The following PWWP3B variants were observed in gnomAD, a reference collection of about 807,000 sequenced individuals.
The protein encoded by PWWP3B is PWWP domain-containing DNA repair factor 3B.
In PWWP3B, 5 loss-of-function variants were observed where a neutral mutation model predicts 15.7. The observed-to-expected ratio is 0.32, with a 90% CI of 0.17 to 0.67. PWWP3B has a LOEUF of 0.67. PWWP3B is among the 30% of genes least tolerant of loss of function. The probability of loss-of-function intolerance (pLI) is 0.74; values close to 1 mark genes in which losing one functional copy is unlikely to be tolerated. For missense variants in PWWP3B, 519 were observed against 493.1 expected (o/e 1.05, Z -0.50); for synonymous variants, 203 against 179.8 (o/e 1.13, Z -1.03).
At position 106,206,330 on chromosome X, in the gene PWWP3B, A is replaced by T; in HGVS notation, c.898A>T (p.Met300Leu). The T allele has an allele frequency of 8.3e-7, 1 of 1,203,235 alleles. No homozygotes were observed. The highest frequency in any genetic ancestry group is 1.7e-5 in the African/African-American group (1 of 57,582). Residue 300 changes from methionine (M) to leucine (L), a missense_variant, in exon 4 of 4, where the codon ATG becomes TTG. Met to Leu is a conservative substitution (Grantham distance 15). Transcript: ENST00000357175. ...CLDTSQNQPS[M>L]ESEMGAAACP... ...AGATACCAGCCAGAATCAACCTTCC[A>T]TGGAATCAGAGATGGGGGCTGCAGC...
chrX:106,197,142 C>G (rs1051115328), intron 2 of PWWP3B, among the ~76,000 whole-genome samples: 1 of 111,766 alleles, frequency 8.9e-6, no homozygotes, highest in Admixed American at 9.5e-5. Context: ...CTTTCCTCTC[C>G]CCATGGCAGC....
At chrX:106,196,146 T>G (rs1487999201) in intron 2 of PWWP3B, among the ~76,000 whole-genome samples, 1 of 112,049 alleles carries the variant, frequency 8.9e-6, no homozygotes, top group African/African-American at 3.2e-5. Flanking sequence ...GCATTATTAT[T>G]AAACTTACTT....
chrX:106,197,377 C>T (rs149453725), intron 2 of PWWP3B, among the ~76,000 whole-genome samples: 54 of 111,418 alleles, frequency 4.8e-4, no homozygotes, highest in African/African-American at 1.7e-3. Flanking sequence ...TTTGCTTCTA[C>T]CCTTCCACCA....
At chrX:106,197,174 A>G (rs903747335) in intron 2 of PWWP3B, among the ~76,000 whole-genome samples, 1 of 111,582 alleles carries the variant, frequency 9.0e-6, no homozygotes, top group African/African-American at 3.3e-5. Flanking sequence ...TTGTATATGT[A>G]GTTGGTCTTT....
intron 1 of PWWP3B, among the ~76,000 whole-genome samples, chrX:106,169,648 A>G (rs1359918508): frequency 1.8e-5 from 2 of 111,854 alleles, no homozygotes; most frequent in African/African-American, 6.5e-5. Flanking sequence ...AGCAGAACAT[A>G]TTTATCTTTA....
chrX:106,199,845 G>A (rs1923594412), intron 2 of PWWP3B, among the ~76,000 whole-genome samples: 1 of 111,362 alleles, frequency 9.0e-6, no homozygotes, highest in African/African-American at 3.3e-5. Context: ...TGGATCTTGG[G>A]TGAGCAACTA....
intron 2 of PWWP3B, chrX:106,201,788 C>T (rs1021593808): frequency 8.9e-6 from 1 of 111,772 alleles, no homozygotes; most frequent in Non-Finnish European, 1.9e-5. Context: ...TGTCTCAAAG[C>T]TACTTATTTT....
chrX:106,196,702 G>A (rs966404637), intron 2 of PWWP3B, among the ~76,000 whole-genome samples: 7 of 111,704 alleles, frequency 6.3e-5, no homozygotes, highest in Non-Finnish European at 1.3e-4. Flanking sequence ...ATAGCATTTC[G>A]TTAAGGACTT....
intron 2 of PWWP3B, among the ~76,000 whole-genome samples, chrX:106,176,687 A>T (rs1417624899): frequency 2.7e-5 from 3 of 112,472 alleles, no homozygotes; most frequent in Non-Finnish European, 5.6e-5. Flanking sequence ...TTTTGCCAAT[A>T]AGAATTTTTT....
intron 2 of PWWP3B, among the ~76,000 whole-genome samples, chrX:106,198,329 G>T (rs1324344850): frequency 1.8e-5 from 2 of 111,325 alleles, no homozygotes; most frequent in Non-Finnish European, 3.8e-5. Context: ...TTTTGAAAAT[G>T]TCATATAAAT....
rs756702198 is a variant in PWWP3B at position 106,206,462 on chromosome X, G to T, written c.1030G>T (p.Asp344Tyr). 5.8e-6 allele frequency: 7 copies of T among 1,207,705 alleles called. No individual in the cohort carries two copies. The highest frequency in any genetic ancestry group is 7.8e-6 in the Non-Finnish European group (7 of 894,026). The change falls in exon 4 of 4, where the codon GAT becomes TAT. Residue 344 changes from aspartate (D) to tyrosine (Y), a missense_variant. Asp to Tyr is a radical substitution (Grantham distance 160). Coordinates refer to ENST00000357175, the MANE Select transcript of PWWP3B (RefSeq NM_001171020.2). ...TAGTGAAAGAAATTTTCAGAGACTG[G>T]ATTTTGAAGAACTTGAGGAAGAAGG... Reference protein sequence around the residue: ...MSSERNFQRLDFEELEEEGQA... With the variant: ...MSSERNFQRLYFEELEEEGQA...
chrX:106,190,923 T>C (rs1428656211), intron 2 of PWWP3B, among the ~76,000 whole-genome samples: 1 of 111,576 alleles, frequency 9.0e-6, no homozygotes, highest in Non-Finnish European at 1.9e-5. Flanking sequence ...TTGGTACCAG[T>C]ACCATGCTGT....
intron 2 of PWWP3B, among the ~76,000 whole-genome samples, chrX:106,187,398 T>A (rs1413473741): frequency 8.9e-6 from 1 of 111,791 alleles, no homozygotes; most frequent in Non-Finnish European, 1.9e-5. Context: ...CATGTGTAAG[T>A]TTTGCCTGGG....
rs186926566 is a variant in PWWP3B at position 106,193,999 on chromosome X, T to G, written c.-400-9986T>G. On this transcript the variant is annotated intron_variant, in intron 2 of 3. Transcript: ENST00000357175. Reference sequence around the variant, plus strand: ...TTTTTTCCTTCATTTCAACTTTGGTTAATCTGACAATTATGTGTCTTGGAG... The same window carrying G: ...TTTTTTCCTTCATTTCAACTTTGGTGAATCTGACAATTATGTGTCTTGGAG... 1.1e-4 allele frequency among the ~76,000 whole-genome samples: 12 copies of G among 111,685 alleles called. No homozygotes were observed. In the South Asian group the frequency reaches 1.5e-3, roughly 14 times the overall value.
chrX:106,204,592 G>A (rs1335313452), intron 3 of PWWP3B, among the ~76,000 whole-genome samples: 1 of 111,741 alleles, frequency 8.9e-6, no homozygotes, highest in African/African-American at 3.3e-5. Context: ...TTTTGTTTGG[G>A]TCCAGGAGAT....
Position 106,207,353 on chromosome X carries a change from C to A in PWWP3B, c.1921C>A (p.Leu641Met), listed in dbSNP as rs1175781285. 1 of 1,187,490 alleles carries A rather than the reference C, an allele frequency of 8.4e-7. No individual in the cohort carries two copies. Among genetic ancestry groups the A allele is most frequent in the Admixed American group, 2.4e-5 (1 of 42,283 alleles). ...DKIKFILEVL[L>M]PEAIICSISA... Reference sequence around the variant, plus strand: ...AATTAAATTTATCCTAGAAGTTCTTCTGCCAGAAGCAATTATTTGTTCAAT... The same window carrying A: ...AATTAAATTTATCCTAGAAGTTCTTATGCCAGAAGCAATTATTTGTTCAAT... Residue 641 changes from leucine to methionine, a missense_variant, in exon 4 of 4, where the codon CTG (leucine) becomes ATG (methionine). Coordinates refer to ENST00000357175, the MANE Select transcript of PWWP3B (RefSeq NM_001171020.2).
intron 2 of PWWP3B, among the ~76,000 whole-genome samples, chrX:106,184,565 T>C (rs1246810507): frequency 1.8e-5 from 2 of 111,867 alleles, no homozygotes; most frequent in Non-Finnish European, 3.8e-5. Flanking sequence ...TCTTCAGCTG[T>C]CATTCTATCA....
Position 106,200,216 on chromosome X carries a change from G to A in PWWP3B, c.-400-3769G>A, listed in dbSNP as rs73521662. On this transcript the variant is annotated intron_variant, in intron 2 of 3. Coordinates refer to ENST00000357175, the MANE Select transcript of PWWP3B (RefSeq NM_001171020.2). Reference sequence around the variant, plus strand: ...CTTTAAGACCCAAGTAGATGGTAGAGCCACAGGATGGAAGAAGATTGGGTC... The same window carrying A: ...CTTTAAGACCCAAGTAGATGGTAGAACCACAGGATGGAAGAAGATTGGGTC... Among the ~76,000 whole-genome samples the A allele has an allele frequency of 5.1e-3, 571 of 111,932 alleles. 6 individuals carry two copies. The highest frequency in any genetic ancestry group is 0.018 in the African/African-American group (548 of 30,772).
intron 2 of PWWP3B, among the ~76,000 whole-genome samples, chrX:106,178,945 T>A (rs955606008): frequency 5.4e-5 from 6 of 111,706 alleles, no homozygotes; most frequent in Non-Finnish European, 1.1e-4. Context: ...CAAAACTAAA[T>A]TTGAGGATGG....
Sources: gnomAD v4.1 joint callset for allele counts (sites outside exome capture counted in the v4.1 genomes callset) on GRCh38, gnomAD v4.1.1 for gene constraint, MANE v1.5 for transcripts, NCBI Gene and HGNC (gene_info 2026-07-23, HGNC 2026-07-21) for gene names.